GTF3C1: variants seen among roughly 807,000 people sequenced by gnomAD.
The protein encoded by GTF3C1 is general transcription factor IIIC subunit 1, also known as general transcription factor 3C polypeptide 1.
In GTF3C1, 57 loss-of-function variants were observed where a neutral mutation model predicts 226.7. The observed-to-expected ratio is 0.25, with a 90% confidence interval of 0.20 to 0.31. The LOEUF is 0.31. Ranked by LOEUF, GTF3C1 falls within the 10% of genes least tolerant of loss-of-function variation. The pLI, the probability that GTF3C1 is intolerant of heterozygous loss-of-function variation, is 1.00. For synonymous variants in GTF3C1, 1,090 were observed against 1,084.8 expected (o/e 1.00, Z -0.09); for missense variants, 2,217 against 2,776.1 (o/e 0.80, Z 4.53).
chr16:27,469,195 GGGGAGCCTGA>G lies in GTF3C1; in HGVS notation c.5074+86_5074+95del, dbSNP rs2087827802. On this transcript the variant is annotated intron_variant, in intron 32 of 36. Transcript: ENST00000356183. This position sits in a 1 kb window ranked among gnomAD's most constrained non-coding sequence, Gnocchi z 4.5. Reference sequence around the variant, plus strand: ...TGTTCTGTGGCTGCACGCCTGGCCTGGGGAGCCTGAAGGTCTAGGTCCCAGGCCAGGCCTC... The same window carrying G: ...TGTTCTGTGGCTGCACGCCTGGCCTGAGGTCTAGGTCCCAGGCCAGGCCTC... 3 of 1,281,072 alleles carry G rather than the reference GGGGAGCCTGA, an allele frequency of 2.3e-6. 1 individual carries two copies. The highest frequency in any genetic ancestry group is 3.2e-6 in the Non-Finnish European group (3 of 945,378). The allele number at this position is 1,281,072 out of a possible 1,614,324, so 79.4% of individuals were successfully genotyped here.
chr16:27,516,728 G>A (rs2088664866), intron 6 of GTF3C1, among the ~76,000 whole-genome samples: 1 of 152,188 alleles, frequency 6.6e-6, no homozygotes, highest in Non-Finnish European at 1.5e-5. Context: ...TCGAACTCCA[G>A]GGCTCACACG....
intron 34 of GTF3C1, chr16:27,464,061 C>T (rs1404490229): frequency 1.1e-5 from 5 of 442,614 alleles, no homozygotes; most frequent in South Asian, 1.0e-4. Context: ...GCAGTGCACA[C>T]GCTGGCCCCA....
Position 27,543,042 on chromosome 16 carries a change from G to A in GTF3C1, c.431+2272C>T, listed in dbSNP as rs527299334. ...AGATTATTGGAATAACACATATGCC[G>A]CTTGGGAGAGAGGTCTGGGACTAGA... On this transcript the variant is annotated intron_variant, in intron 2 of 36. Transcript: ENST00000356183. Among the ~76,000 whole-genome samples, 5 of 152,292 alleles carry A rather than the reference G, an allele frequency of 3.3e-5. No individual in the cohort carries two copies. The East Asian group carries it at 5.8e-4, about 18-fold the overall frequency.
chr16:27,531,121 G>A (rs1022893996), intron 5 of GTF3C1, among the ~76,000 whole-genome samples: 6 of 152,092 alleles, frequency 3.9e-5, no homozygotes, highest in African/African-American at 1.4e-4. Context: ...CTGGACTGGT[G>A]CATACCACCA....
Position 27,494,872 on chromosome 16 carries a change from G to T in GTF3C1, c.2669C>A (p.Pro890His). The change falls in exon 16 of 37, where the codon CCC becomes CAC. Residue 890 changes from proline (P) to histidine (H), a missense_variant. By Grantham distance (77) the Pro-to-His change is moderately conservative. Coordinates refer to ENST00000356183, the MANE Select transcript of GTF3C1 (RefSeq NM_001520.4). ...GAAGTCCCTGTGGACTGGGATTGGG[G>T]GGATGTAGCGCATCCACGAGGCATC... ...VDDASWMRYI[P>H]PIPVHRDFGF... 2 of 1,613,402 alleles carry T rather than the reference G, an allele frequency of 1.2e-6. No individual in the cohort carries two copies. Among genetic ancestry groups the T allele is most frequent in the Non-Finnish European group, 1.7e-6 (2 of 1,179,342 alleles).
chr16:27,469,140 G>T lies in GTF3C1; in HGVS notation c.5074+151C>A. 1 of 787,018 alleles carries T rather than the reference G, an allele frequency of 1.3e-6. No individual in the cohort carries two copies. The highest frequency in any genetic ancestry group is 2.0e-6 in the Non-Finnish European group (1 of 507,156). The allele number at this position is 787,018 out of a possible 1,614,324, so 48.8% of individuals were successfully genotyped here. A position where few individuals can be genotyped will look rare whatever the true frequency, so the allele number is the denominator to read the frequency against. On this transcript the variant is annotated intron_variant, in intron 32 of 36. Coordinates refer to ENST00000356183, the MANE Select transcript of GTF3C1 (RefSeq NM_001520.4). This position sits in a 1 kb window ranked among gnomAD's most constrained non-coding sequence, Gnocchi z 4.5. ...ACCTGGGGAAGGCATCCCTTGAGTTGGCTGCAAGGATGGGGTGTGTTTTTC... is the reference window on the plus strand; with the variant it reads ...ACCTGGGGAAGGCATCCCTTGAGTTTGCTGCAAGGATGGGGTGTGTTTTTC...
chr16:27,462,565 G>A lies in GTF3C1; in HGVS notation c.5925-79C>T. The A allele has an allele frequency of 9.2e-7, 1 of 1,083,700 alleles. No homozygotes were observed. The highest frequency in any genetic ancestry group is 1.4e-6 in the Non-Finnish European group (1 of 727,368). The allele number at this position is 1,083,700 out of a possible 1,614,324, so 67.1% of individuals were successfully genotyped here. A position where few individuals can be genotyped will look rare whatever the true frequency, so the allele number is the denominator to read the frequency against. On this transcript the variant is annotated intron_variant, in intron 35 of 36. Coordinates refer to ENST00000356183, the MANE Select transcript of GTF3C1 (RefSeq NM_001520.4). The surrounding 1 kb of genome is among the most constrained non-coding windows in gnomAD (Gnocchi z 4.5). The stretch of plus-strand genomic sequence containing the variant: ...TCCAGACAGAACACTGAGGCTCAGG[G>A]GCGTCCTAGGCCTGGCCCAGGTCAC...
chr16:27,480,544 G>C (rs77202736), intron 27 of GTF3C1, among the ~76,000 whole-genome samples: 4 of 152,146 alleles, frequency 2.6e-5, no homozygotes, highest in Non-Finnish European at 4.4e-5. Context: ...CATTTTACAG[G>C]GAGAAATTCA....
chr16:27,533,193 G>C (rs766261566), intron 5 of GTF3C1, 98 bp downstream of exon 5: 2 of 645,108 alleles, frequency 3.1e-6, no homozygotes, highest in Non-Finnish European at 5.7e-6. Context: ...ATCCAGAATA[G>C]GGCTTTGGGT....
chr16:27,471,691 T>C lies in GTF3C1; in HGVS notation c.4526+57A>G, dbSNP rs2087872980. The C allele has an allele frequency of 4.2e-5, 59 of 1,396,854 alleles. 1 individual carries two copies. In the South Asian group the frequency reaches 6.7e-4, roughly 16 times the overall value. The allele number at this position is 1,396,854 out of a possible 1,614,324, so 86.5% of individuals were successfully genotyped here. On this transcript the variant is annotated intron_variant, in intron 30 of 36. Coordinates refer to ENST00000356183, the MANE Select transcript of GTF3C1 (RefSeq NM_001520.4). The surrounding 1 kb of genome is among the most constrained non-coding windows in gnomAD (Gnocchi z 5.0). ...GCCACAGTGCTTCCTTTGCTCCTCT[T>C]TACAGACAGGGCGTGGCTCCACCTC...
rs1284367745 is a variant in GTF3C1, at chr16:27,549,740, G to C, written c.151C>G (p.Leu51Val). The change falls in exon 1 of 37, where the codon CTC (leucine) becomes GTC (valine). Residue 51 changes from leucine (L) to valine (V), a missense_variant. This residue lies in a region of GTF3C1 where 192 missense variants were observed against 251.8 expected (regional missense o/e 0.76). Transcript: ENST00000356183. ...AAGCTGATGCCCGGGTGCGTGGCGA[G>C]GGCCCGCCAGAGAAACTCCTGCGTG... is the stretch of plus-strand genomic sequence containing the variant. The part of the protein sequence containing the change: ...PCTQEFLWRA[L>V]ATHPGISFYE... 9 of 1,611,726 alleles carry C rather than the reference G, an allele frequency of 5.6e-6. No homozygotes were observed. Among genetic ancestry groups the C allele is most frequent in the Non-Finnish European group, 7.6e-6 (9 of 1,179,630 alleles).
rs963748987 is a variant in GTF3C1, at chr16:27,538,626, A to G, written c.432-270T>C. Among the ~76,000 whole-genome samples, 3 of 152,200 alleles carry G rather than the reference A, an allele frequency of 2.0e-5. No homozygotes were observed. The East Asian group carries it at 5.8e-4, about 29-fold the overall frequency. ...CCCTTCAGGGCTCGCCAAGGCGCTC[A>G]GGCCAAATCCAACTCCTCATCCCAC... On this transcript the variant is annotated intron_variant, in intron 2 of 36. Transcript: ENST00000356183.
rs150022850 is a variant in GTF3C1, at chr16:27,485,464, G to A, written c.3858+533C>T. On this transcript the variant is annotated intron_variant, in intron 24 of 36. Transcript: ENST00000356183. ...AACAGAGAATGAGCAGGGTAATTAC[G>A]CCCAATTGGCAGATCATTCCGGACA... Among the ~76,000 whole-genome samples the A allele has an allele frequency of 4.8e-3, 733 of 152,314 alleles. 5 individuals carry two copies. The highest frequency in any genetic ancestry group is 6.4e-3 in the Non-Finnish European group (434 of 68,034).
intron 10 of GTF3C1, among the ~76,000 whole-genome samples, chr16:27,505,697 C>G (rs1033573508): frequency 6.6e-6 from 1 of 152,238 alleles, no homozygotes; most frequent in Non-Finnish European, 1.5e-5. Flanking sequence ...ACCATGCAGA[C>G]AATCTCTGCG....
chr16:27,499,913 A>G (rs746710698), intron 12 of GTF3C1, among the ~76,000 whole-genome samples: 1 of 152,204 alleles, frequency 6.6e-6, no homozygotes, highest in Non-Finnish European at 1.5e-5. Flanking sequence ...CGCTGGTACT[A>G]GAGTCACATG....
intron 23 of GTF3C1, among the ~76,000 whole-genome samples, chr16:27,487,380 AAGTGGT>A (rs2088158332): frequency 6.6e-6 from 1 of 152,222 alleles, no homozygotes; most frequent in South Asian, 2.1e-4. Context: ...GGCAATATGA[AAGTGGT>A]CTAAAAACTA....
intron 2 of GTF3C1, among the ~76,000 whole-genome samples, chr16:27,539,889 T>G (rs2089056755): frequency 6.6e-6 from 1 of 152,156 alleles, no homozygotes; most frequent in African/African-American, 2.4e-5. Flanking sequence ...TCTTTATAAA[T>G]TACCCAGTTT....
intron 7 of GTF3C1, among the ~76,000 whole-genome samples, chr16:27,510,075 C>T (rs980272108): frequency 1.3e-5 from 2 of 152,114 alleles, no homozygotes; most frequent in African/African-American, 4.8e-5. Flanking sequence ...ATGATGAAAC[C>T]TTGTCTCTAC....
chr16:27,547,471 C>A (rs867345129), intron 1 of GTF3C1, among the ~76,000 whole-genome samples: 1 of 152,078 alleles, frequency 6.6e-6, no homozygotes, highest in African/African-American at 2.4e-5. Flanking sequence ...GTGTTCCCAG[C>A]CTCAGAGATG....
Sources: allele counts gnomAD v4.1 joint callset (sites outside exome capture counted in the v4.1 genomes callset), GRCh38; gene constraint gnomAD v4.1.1; regional missense constraint gnomAD v4.1.1; non-coding constraint Gnocchi (gnomAD v3.1); transcripts MANE v1.5; gene names NCBI Gene and HGNC (gene_info 2026-07-23, HGNC 2026-07-21).